ROR1: variants seen among roughly 807,000 people sequenced by gnomAD.
ROR1 encodes the protein ROR family WNT receptor 1, also known as inactive tyrosine-protein kinase transmembrane receptor ROR1.
A neutral mutation model predicts 78.8 loss-of-function variants in ROR1; 19 were observed. That is an observed-to-expected ratio of 0.24 (90% CI 0.17 to 0.35). ROR1 has a LOEUF of 0.35. Among genes scored for constraint, ROR1 ranks in the 10% least tolerant of loss-of-function variants. ROR1 has a pLI of 1.00. For synonymous variants in ROR1, 386 were observed against 433.6 expected, an observed-to-expected ratio of 0.89 and a Z score of 1.36; for missense variants, 917 against 1,177.8, an observed-to-expected ratio of 0.78 and a Z score of 3.24.
rs767626099 is a variant in ROR1, at chr1:64,177,580, C to A, written c.1539C>A (p.Asn513Lys). 5 of 1,614,042 alleles carry A rather than the reference C, an allele frequency of 3.1e-6. No individual in the cohort carries two copies. In the South Asian group the frequency reaches 3.3e-5, roughly 11 times the overall value. The change falls in exon 9 of 9, where the codon AAC becomes AAA. Residue 513 changes from asparagine (N) to lysine (K), a missense_variant. Asn to Lys is a moderately conservative substitution (Grantham distance 94). Around this residue, in one of 3 missense-constraint regions of ROR1, gnomAD observed 835 missense variants for 1,069.8 expected, o/e 0.78. Coordinates refer to ENST00000371079, the MANE Select transcript of ROR1 (RefSeq NM_005012.4). ...TCAAGACCTTGAAAGACTATAACAACCCCCAGCAATGGACGGAATTTCAAC... is the reference window on the plus strand; with the variant it reads ...TCAAGACCTTGAAAGACTATAACAAACCCCAGCAATGGACGGAATTTCAAC... ...VAIKTLKDYN[N>K]PQQWTEFQQE...
chr1:63,778,382 T>G (rs573818322), intron 1 of ROR1, among the ~76,000 whole-genome samples: 2 of 151,834 alleles, frequency 1.3e-5, no homozygotes, highest in South Asian at 4.2e-4. Flanking sequence ...TGACTTGGAG[T>G]GTTTGATGCC....
chr1:63,789,195 G>T, intron 1 of ROR1: 1 of 600,836 alleles, frequency 1.7e-6, no homozygotes, highest in Non-Finnish European at 3.2e-6. Flanking sequence ...CTGCTGACAG[G>T]AGTTGGCATT....
At chr1:63,975,314 G>A (rs892276979) in intron 1 of ROR1, among the ~76,000 whole-genome samples, 2 of 152,152 alleles carry the variant, frequency 1.3e-5, no homozygotes, top group East Asian at 1.9e-4. Flanking sequence ...TCGATGGTAC[G>A]ATATATCTTG....
intron 1 of ROR1, among the ~76,000 whole-genome samples, chr1:63,921,138 G>T (rs748336504): frequency 3.9e-5 from 6 of 152,164 alleles, no homozygotes; most frequent in Non-Finnish European, 8.8e-5. Flanking sequence ...AAGTAACTCG[G>T]TAATCACCTC....
chr1:64,096,665 T>C (rs1000884638), intron 4 of ROR1, among the ~76,000 whole-genome samples: 2 of 152,176 alleles, frequency 1.3e-5, no homozygotes, highest in African/African-American at 4.8e-5. Flanking sequence ...TTGGGTTGAT[T>C]CCATGACTTT....
Position 64,178,753 on chromosome 1 carries a change from C to T in ROR1, c.2712C>T (p.Asn904=). 6.2e-7 allele frequency: 1 copy of T among 1,614,004 alleles called. No homozygotes were observed. Among genetic ancestry groups the T allele is most frequent in the Non-Finnish European group, 8.5e-7 (1 of 1,179,974 alleles). Reference sequence around the variant, plus strand: ...GAATGGGTATCACCGTTTTTGGCAACAAATCTCAAAAACCCTACAAAATTG... The same window carrying T: ...GAATGGGTATCACCGTTTTTGGCAATAAATCTCAAAAACCCTACAAAATTG... The part of the protein sequence containing the change: ...PGGMGITVFG[N]KSQKPYKIDS... The change falls in exon 9 of 9, where the codon AAC becomes AAT. Residue 904 remains asparagine, a synonymous_variant. Coordinates refer to ENST00000371079, the MANE Select transcript of ROR1 (RefSeq NM_005012.4). This position sits in a 1 kb window ranked among gnomAD's most constrained non-coding sequence, Gnocchi z 4.3.
intron 8 of ROR1, among the ~76,000 whole-genome samples, chr1:64,173,522 G>A (rs1272934305): frequency 6.6e-6 from 1 of 152,222 alleles, no homozygotes; most frequent in Non-Finnish European, 1.5e-5. Flanking sequence ...CTGGCCAGCA[G>A]GCTTCTCTGG....
chr1:63,911,495 A>G (rs886808200), intron 1 of ROR1, among the ~76,000 whole-genome samples: 8 of 152,138 alleles, frequency 5.3e-5, no homozygotes, highest in Non-Finnish European at 1.0e-4. Flanking sequence ...TGAACTGTGC[A>G]TGCCAGGGAC....
In ROR1 at chr1:63,874,780, G is replaced by A. The variant is rs146901755; in HGVS notation, c.91+100272G>A. ...GTGCCCTTGAAGTTTCCTTGTCCAG[G>A]TCAAACAGCCCCAATTTCTCCATGA... is the stretch of plus-strand genomic sequence containing the variant. On this transcript the variant is annotated intron_variant, in intron 1 of 8. Transcript: ENST00000371079. 1.8e-3 allele frequency among the ~76,000 whole-genome samples: 278 copies of A among 152,098 alleles called. 1 individual carries two copies. Among genetic ancestry groups the A allele is most frequent in the Non-Finnish European group, 3.1e-3 (209 of 67,986 alleles).
At chr1:64,050,293 G>A (rs1222402977) in intron 3 of ROR1, among the ~76,000 whole-genome samples, 1 of 152,166 alleles carries the variant, frequency 6.6e-6, no homozygotes, top group East Asian at 1.9e-4. Context: ...CCAAGAAGTT[G>A]GAAATGTTCG....
At chr1:63,782,091 T>TA (rs1292639966) in intron 1 of ROR1, among the ~76,000 whole-genome samples, 1 of 152,178 alleles carries the variant, frequency 6.6e-6, no homozygotes, top group Non-Finnish European at 1.5e-5. Context: ...TCTATGCACT[T>TA]ACAGTGAACC....
chr1:63,843,337 C>A, intron 1 of ROR1: 1 of 1,050,434 alleles, frequency 9.5e-7, no homozygotes, highest in Non-Finnish European at 1.5e-6. Flanking sequence ...TTGGAGCTGG[C>A]ATAGATCATT....
At chr1:64,089,426 GCCTT>G (rs1647178260) in intron 4 of ROR1, among the ~76,000 whole-genome samples, 1 of 152,076 alleles carries the variant, frequency 6.6e-6, no homozygotes, top group African/African-American at 2.4e-5. Context: ...GCCCAAGCTG[GCCTT>G]GAACTCCTGG....
intron 8 of ROR1, among the ~76,000 whole-genome samples, chr1:64,170,249 A>G (rs941987364): frequency 6.6e-6 from 1 of 152,132 alleles, no homozygotes. Flanking sequence ...AGGCATTTCC[A>G]TACATCCTCT....
intron 1 of ROR1, chr1:63,775,445 G>A (rs904313932): frequency 6.6e-6 from 1 of 152,120 alleles, no homozygotes; most frequent in Non-Finnish European, 1.5e-5. Context: ...TAAAGTCTCC[G>A]GGGTCTCGGG....
intron 1 of ROR1, among the ~76,000 whole-genome samples, chr1:64,004,889 A>G (rs1646416064): frequency 6.6e-6 from 1 of 152,128 alleles, no homozygotes; most frequent in Admixed American, 6.6e-5. Flanking sequence ...GCCCCTATTG[A>G]TCAAATCGGG....
chr1:64,116,698 T>A (rs767033370), intron 4 of ROR1, among the ~76,000 whole-genome samples: 5 of 152,118 alleles, frequency 3.3e-5, no homozygotes, highest in Non-Finnish European at 5.9e-5. Context: ...AATCTACTCT[T>A]CCCTTTGGCA....
At chr1:63,972,290 T>C (rs541128830) in intron 1 of ROR1, among the ~76,000 whole-genome samples, 22 of 152,284 alleles carry the variant, frequency 1.4e-4, no homozygotes, top group African/African-American at 5.3e-4. Flanking sequence ...ACTTTTCCGA[T>C]GAGGAACCCA....
intron 1 of ROR1, among the ~76,000 whole-genome samples, chr1:63,896,645 A>G (rs1569875152): frequency 6.6e-6 from 1 of 152,250 alleles, no homozygotes. Flanking sequence ...GACACTGGGG[A>G]AAAACTGACT....
Sources: allele counts gnomAD v4.1 joint callset (sites outside exome capture counted in the v4.1 genomes callset), GRCh38; gene constraint gnomAD v4.1.1; regional missense constraint gnomAD v4.1.1; non-coding constraint Gnocchi (gnomAD v3.1); transcripts MANE v1.5; gene names NCBI Gene and HGNC (gene_info 2026-07-23, HGNC 2026-07-21).